Variants in CACNG2 observed in about 807,000 individuals in gnomAD.
CACNG2 encodes calcium voltage-gated channel auxiliary subunit gamma 2, also known as voltage-dependent calcium channel gamma-2 subunit.
CACNG2 carries 3 observed loss-of-function variants against 25.9 expected under a neutral mutation model. The observed-to-expected ratio is 0.12, with a 90% CI of 0.05 to 0.30. The LOEUF (loss-of-function observed/expected upper bound fraction) is 0.30. Among genes scored for constraint, CACNG2 ranks in the 10% least tolerant of loss-of-function variants. CACNG2 has a pLI of 1.00. For missense variants in CACNG2, 341 were observed against 432.5 expected (o/e 0.79, Z 1.88); for synonymous variants, 167 against 173.3 (o/e 0.96, Z 0.29).
At chr22:36,678,939 A>C (rs1937050847) in intron 1 of CACNG2, among the ~76,000 whole-genome samples, 1 of 152,166 alleles carries the variant, frequency 6.6e-6, no homozygotes, top group Admixed American at 6.5e-5. Context: ...CATTGCTGGA[A>C]TGTCAAGCCC....
At chr22:36,636,597 G>A (rs1376210967) in intron 1 of CACNG2, among the ~76,000 whole-genome samples, 1 of 152,180 alleles carries the variant, frequency 6.6e-6, no homozygotes. Context: ...TTTGAATCAG[G>A]ACTAGCCATG....
rs1251217229 is a variant in CACNG2 at position 36,564,326 on chromosome 22, G to T, written c.*25C>A. On this transcript the variant is annotated 3_prime_UTR_variant, in exon 4 of 4. Transcript: ENST00000300105. The surrounding 1 kb of genome is among the most constrained non-coding windows in gnomAD (Gnocchi z 6.7). The stretch of plus-strand genomic sequence containing the variant: ...CCCGGGGACCGCGCCCTCCTCCCGC[G>T]GTCTTCTGGCGAGGCCCGCGGTCTT... 1 of 1,591,466 alleles carries T rather than the reference G, an allele frequency of 6.3e-7. No homozygotes were observed. The highest frequency in any genetic ancestry group is 1.3e-5 in the African/African-American group (1 of 74,428).
At chr22:36,611,698 G>A (rs1023894622) in intron 1 of CACNG2, among the ~76,000 whole-genome samples, 3 of 152,170 alleles carry the variant, frequency 2.0e-5, no homozygotes, top group African/African-American at 7.2e-5. Flanking sequence ...CTAAAGTGTG[G>A]GAGTCTGACC....
chr22:36,636,876 G>A (rs972273109), intron 1 of CACNG2, among the ~76,000 whole-genome samples: 1 of 152,248 alleles, frequency 6.6e-6, no homozygotes, highest in African/African-American at 2.4e-5. Flanking sequence ...GGCCTTGCTT[G>A]TAATGCAGAG....
chr22:36,669,504 TCTC>T, intron 1 of CACNG2, among the ~76,000 whole-genome samples: 1 of 86,726 alleles, frequency 1.2e-5, no homozygotes, highest in Non-Finnish European at 2.0e-5. Context: ...TGAAACTCTA[TCTC>T]CAAAAAAAAA....
intron 2 of CACNG2, among the ~76,000 whole-genome samples, chr22:36,573,447 C>T (rs1713534872): frequency 6.6e-6 from 1 of 152,148 alleles, no homozygotes; most frequent in Non-Finnish European, 1.5e-5. Context: ...TCTTGTGTCT[C>T]AGCCTCCCAA....
At chr22:36,593,531 C>G (rs1350635268) in intron 1 of CACNG2, among the ~76,000 whole-genome samples, 1 of 152,004 alleles carries the variant, frequency 6.6e-6, no homozygotes, top group Non-Finnish European at 1.5e-5. Flanking sequence ...TTTGCAGGGG[C>G]GGTGGTGTCC....
chr22:36,647,171 T>C (rs6000361), intron 1 of CACNG2, among the ~76,000 whole-genome samples: 20,881 of 152,130 alleles, frequency 0.14, 3,848 homozygotes, highest in African/African-American at 0.42. Context: ...TCTCTCTCTC[T>C]CCTCCCCATC....
intron 1 of CACNG2, among the ~76,000 whole-genome samples, chr22:36,645,891 A>T (rs1397556498): frequency 7.9e-5 from 12 of 152,256 alleles, no homozygotes; most frequent in Admixed American, 7.9e-4. Context: ...AGTCAAATGC[A>T]TATTTTAATA....
chr22:36,702,752 A>C lies in CACNG2; in HGVS notation c.-176T>G, dbSNP rs1937426586. The C allele has an allele frequency of 5.1e-6, 3 of 584,762 alleles. No homozygotes were observed. Among genetic ancestry groups the C allele is most frequent in the Non-Finnish European group, 9.0e-6 (3 of 333,620 alleles). The allele number at this position is 584,762 out of a possible 1,614,324, so 36.2% of individuals were successfully genotyped here. On this transcript the variant is annotated 5_prime_UTR_variant, in exon 1 of 4. Transcript: ENST00000300105. The stretch of plus-strand genomic sequence containing the variant: ...AGTTATAAAAAAAGGGAGGTAAGAA[A>C]GCTCACGGAAAAGAGTGTAAATTAT...
rs1936113552 is a variant in CACNG2 at position 36,622,063 on chromosome 22, A to T, written c.212-34515T>A. ...TAACTTTCCAAACACCATTACAAAG[A>T]AGGCACGGCTCTCATTCCCTGTTTA... is the stretch of plus-strand genomic sequence containing the variant. On this transcript the variant is annotated intron_variant, in intron 1 of 3. Coordinates refer to ENST00000300105, the MANE Select transcript of CACNG2 (RefSeq NM_006078.5). Among the ~76,000 whole-genome samples the T allele has an allele frequency of 2.0e-5, 3 of 152,354 alleles. No homozygotes were observed. In the South Asian group the frequency reaches 6.2e-4, roughly 32 times the overall value.
chr22:36,701,857 GA>G (rs1937415088), intron 1 of CACNG2, among the ~76,000 whole-genome samples: 1 of 152,166 alleles, frequency 6.6e-6, no homozygotes, highest in Non-Finnish European at 1.5e-5. Context: ...AGGATTCTTA[GA>G]AACAACATAT....
chr22:36,650,290 C>T (rs757640075), intron 1 of CACNG2, among the ~76,000 whole-genome samples: 51 of 152,250 alleles, frequency 3.3e-4, no homozygotes, highest in Non-Finnish European at 6.6e-4. Flanking sequence ...CTCCCTTCAC[C>T]CTGATACCTC....
intron 1 of CACNG2, among the ~76,000 whole-genome samples, chr22:36,635,472 G>T (rs1409987774): frequency 6.6e-6 from 1 of 152,030 alleles, no homozygotes; most frequent in Non-Finnish European, 1.5e-5. Context: ...GCTTGTTACT[G>T]GGCCACTTAC....
At chr22:36,677,079 C>T (rs761627963) in intron 1 of CACNG2, among the ~76,000 whole-genome samples, 15 of 151,988 alleles carry the variant, frequency 9.9e-5, no homozygotes, top group Admixed American at 2.0e-4. Context: ...TATCAAACAG[C>T]CCCTGCTTCA....
chr22:36,637,835 A>T (rs961564515), intron 1 of CACNG2, among the ~76,000 whole-genome samples: 1 of 152,130 alleles, frequency 6.6e-6, no homozygotes, highest in Non-Finnish European at 1.5e-5. Flanking sequence ...GCCCCTGGCC[A>T]ACATGGTGAA....
chr22:36,599,744 C>A (rs1935727013), intron 1 of CACNG2, among the ~76,000 whole-genome samples: 1 of 152,168 alleles, frequency 6.6e-6, no homozygotes, highest in African/African-American at 2.4e-5. Flanking sequence ...GTAGGGCACA[C>A]AACTGCTTCA....
chr22:36,651,224 C>CTTTTTTTTTTT (rs11411019), intron 1 of CACNG2, among the ~76,000 whole-genome samples: 2 of 83,110 alleles, frequency 2.4e-5, no homozygotes, highest in Admixed American at 1.8e-4. Context: ...CTTCTTCCTC[C>CTTTTTTTTTTT]TTTTTTTTTT....
At chr22:36,627,407 T>G (rs1292864233) in intron 1 of CACNG2, among the ~76,000 whole-genome samples, 1 of 152,034 alleles carries the variant, frequency 6.6e-6, no homozygotes, top group Admixed American at 6.6e-5. Context: ...CATTATACTT[T>G]GTTTGTGATT....
Sources: allele counts gnomAD v4.1 joint callset (sites outside exome capture counted in the v4.1 genomes callset), GRCh38; gene constraint gnomAD v4.1.1; non-coding constraint Gnocchi (gnomAD v3.1); transcripts MANE v1.5; gene names NCBI Gene and HGNC (gene_info 2026-07-23, HGNC 2026-07-21).